The following PLCH1 variants were observed in gnomAD, a reference collection of about 807,000 sequenced individuals.
The protein encoded by PLCH1 is phospholipase C eta 1, also known as 1-phosphatidylinositol 4,5-bisphosphate phosphodiesterase eta-1.
In PLCH1, 60 loss-of-function variants were observed where a neutral mutation model predicts 126.7. The observed-to-expected ratio is 0.47, with a 90% CI of 0.38 to 0.59. The LOEUF is 0.59. Among genes scored for constraint, PLCH1 ranks in the 20% least tolerant of loss-of-function variants. The probability of loss-of-function intolerance (pLI) is 0.00; values close to 1 mark genes in which losing one functional copy is unlikely to be tolerated. For missense variants in PLCH1, 1,723 were observed against 2,040.0 expected, an observed-to-expected ratio of 0.84 and a Z score of 2.99; for synonymous variants, 719 against 734.9, an observed-to-expected ratio of 0.98 and a Z score of 0.35.
chr3:155,516,489 T>C (rs1720330622), intron 11 of PLCH1, among the ~76,000 whole-genome samples: 1 of 152,088 alleles, frequency 6.6e-6, no homozygotes, highest in African/African-American at 2.4e-5. Flanking sequence ...TGGAGTAGGG[T>C]AGTGGCAGAT....
intron 11 of PLCH1, among the ~76,000 whole-genome samples, chr3:155,521,911 G>T (rs2108283443): frequency 1.3e-5 from 2 of 152,284 alleles, no homozygotes; most frequent in African/African-American, 4.8e-5. Flanking sequence ...CCAAATGAAA[G>T]ATCATATCTA....
chr3:155,619,501 AAAAAAAAAAAAAG>A (rs1736199576), intron 2 of PLCH1, among the ~76,000 whole-genome samples: 1 of 151,438 alleles, frequency 6.6e-6, no homozygotes, highest in Non-Finnish European at 1.5e-5. Flanking sequence ...GAAAAAGTAA[AAAAAAAAAAAAAG>A]AAGAAAAAGA....
chr3:155,461,977 A>G (rs867896909), intron 21 of PLCH1, among the ~76,000 whole-genome samples: 14 of 152,216 alleles, frequency 9.2e-5, no homozygotes, highest in African/African-American at 3.4e-4. Flanking sequence ...CAATTATTCC[A>G]AATGAAGCAT....
At chr3:155,638,093 C>T (rs1324833948) in intron 2 of PLCH1, among the ~76,000 whole-genome samples, 1 of 152,190 alleles carries the variant, frequency 6.6e-6, no homozygotes, top group Non-Finnish European at 1.5e-5. Context: ...ATGCTTTCTT[C>T]CCCTTATTTA....
chr3:155,704,051 C>T (rs62284694), intron 2 of PLCH1, 95 bp downstream of exon 2: 3 of 489,122 alleles, frequency 6.1e-6, no homozygotes, highest in African/African-American at 4.0e-5. Context: ...TTCCATCCAA[C>T]AATTATACCA....
chr3:155,476,065 A>T (rs1713533014), downstream of PLCH1, among the ~76,000 whole-genome samples: 1 of 152,208 alleles, frequency 6.6e-6, no homozygotes, highest in African/African-American at 2.4e-5. Flanking sequence ...ATCCGTAACA[A>T]AATACTAGCA....
intron 2 of PLCH1, among the ~76,000 whole-genome samples, chr3:155,685,794 C>T (rs1346096452): frequency 6.6e-6 from 1 of 152,070 alleles, no homozygotes; most frequent in Non-Finnish European, 1.5e-5. Context: ...AGACTTTTCC[C>T]CCTCAATTAT....
chr3:155,454,155 T>G (rs1431301696), intron 21 of PLCH1, among the ~76,000 whole-genome samples: 1 of 152,202 alleles, frequency 6.6e-6, no homozygotes, highest in Non-Finnish European at 1.5e-5. Context: ...CTTCATGTTA[T>G]TGAGCAAATG....
intron 2 of PLCH1, among the ~76,000 whole-genome samples, chr3:155,616,359 T>G (rs1459460676): frequency 6.6e-6 from 1 of 151,998 alleles, no homozygotes; most frequent in East Asian, 1.9e-4. Flanking sequence ...AAAGAAAAAT[T>G]TGTGTGTGAG....
intron 2 of PLCH1, among the ~76,000 whole-genome samples, chr3:155,624,019 G>A (rs866791228): frequency 6.6e-6 from 1 of 152,064 alleles, no homozygotes; most frequent in African/African-American, 2.4e-5. Flanking sequence ...CTGGCAAACC[G>A]AATCCAACAG....
rs1234680277 is a variant in PLCH1 at position 155,458,446 on chromosome 3, G to A, written c.2938+26910C>T. ...GGAAGGAAGGAAGGAAGGAAGGAAGGAAGGAAGGAAAGAAAGAAAGAAAGA... is the reference window on the plus strand; with the variant it reads ...GGAAGGAAGGAAGGAAGGAAGGAAGAAAGGAAGGAAAGAAAGAAAGAAAGA... On this transcript the variant is annotated intron_variant, in intron 21 of 21. Coordinates refer to the PLCH1 transcript ENST00000494598. Among the ~76,000 whole-genome samples, 30 of 63,562 alleles carry A rather than the reference G, an allele frequency of 4.7e-4. 4 individuals carry two copies. Among genetic ancestry groups the A allele is most frequent in the African/African-American group, 2.8e-3 (30 of 10,800 alleles). 41.7% of individuals were successfully genotyped at this position (63,562 alleles called of 152,430 possible).
intron 2 of PLCH1, among the ~76,000 whole-genome samples, chr3:155,692,028 TA>T (rs543180678): frequency 0.044 from 6,061 of 138,756 alleles, 266 homozygotes; most frequent in African/African-American, 0.12. Context: ...AGACTCTGTC[TA>T]AAAAAAAAAA....
At chr3:155,599,311 A>G (rs1424563203) in intron 2 of PLCH1, among the ~76,000 whole-genome samples, 4 of 152,216 alleles carry the variant, frequency 2.6e-5, no homozygotes, top group Non-Finnish European at 4.4e-5. Flanking sequence ...AAGAGAATAG[A>G]GTAGGCTGGA....
At chr3:155,620,385 G>A (rs1042056225) in intron 2 of PLCH1, among the ~76,000 whole-genome samples, 5 of 152,160 alleles carry the variant, frequency 3.3e-5, no homozygotes, top group African/African-American at 1.2e-4. Flanking sequence ...AATAAGCAAG[G>A]CTGAGATTAC....
chr3:155,481,512 C>T lies in PLCH1; in HGVS notation c.4514G>A (p.Cys1505Tyr), dbSNP rs774106655. ...AGTTGTAACAAAACTCTTACTAATA[C>T]ACTGGTACTTGCTCTCAAAATTGCA... ...IACNFESKYQ[C>Y]ISKSFVTTGI... Residue 1505 changes from cysteine to tyrosine, a missense_variant, in exon 23 of 23, where the codon TGT (cysteine) becomes TAT (tyrosine). Transcript: ENST00000460012. This position sits in a 1 kb window ranked among gnomAD's most constrained non-coding sequence, Gnocchi z 4.2. The T allele has an allele frequency of 3.1e-6, 5 of 1,614,152 alleles. No homozygotes were observed. Among genetic ancestry groups the T allele is most frequent in the Non-Finnish European group, 4.2e-6 (5 of 1,180,026 alleles).
chr3:155,453,417 G>A (rs539368336), intron 21 of PLCH1, among the ~76,000 whole-genome samples: 2 of 152,112 alleles, frequency 1.3e-5, no homozygotes, highest in Admixed American at 1.3e-4. Context: ...AACATTTGGG[G>A]GAACTGGGTG....
intron 1 of PLCH1, among the ~76,000 whole-genome samples, chr3:155,706,172 CAAAAAAAAAA>C (rs34725442): frequency 1.8e-4 from 11 of 61,616 alleles, no homozygotes; most frequent in East Asian, 6.6e-4. Flanking sequence ...GACTCTATCT[CAAAAAAAAAA>C]AAAAAAAAAA....
chr3:155,458,284 G>A (rs1235649028), intron 21 of PLCH1, among the ~76,000 whole-genome samples: 4 of 147,644 alleles, frequency 2.7e-5, no homozygotes, highest in Admixed American at 6.8e-5. Context: ...GGAGGTTGCC[G>A]TGAGCCAAGA....
Position 155,593,970 on chromosome 3 carries a change from G to A in PLCH1, c.441C>T (p.Ser147=). Residue 147 remains serine (S), a synonymous_variant, in exon 4 of 23, where the codon TCC becomes TCT. Coordinates refer to ENST00000460012, the MANE Select transcript of PLCH1 (RefSeq NM_014996.4). The part of the protein sequence containing the change: ...YLMAGISDED[S]LAKRQRTHDQ... ...CATGGGTCCTCTGCCTTTTGGCAAG[G>A]GAGTCTTCATCACTGATGCCAGCCA... 6.2e-7 allele frequency: 1 copy of A among 1,614,048 alleles called. No individual in the cohort carries two copies. The highest frequency in any genetic ancestry group is 1.7e-5 in the Admixed American group (1 of 60,020).
Sources: allele counts gnomAD v4.1 joint callset (sites outside exome capture counted in the v4.1 genomes callset), GRCh38; gene constraint gnomAD v4.1.1; non-coding constraint Gnocchi (gnomAD v3.1); transcripts MANE v1.5; gene names NCBI Gene and HGNC (gene_info 2026-07-23, HGNC 2026-07-21).